Variants in SHISA9 observed in about 807,000 individuals in gnomAD.
SHISA9 encodes protein shisa-9.
A neutral mutation model predicts 38.0 loss-of-function variants in SHISA9; 13 were observed. The ratio of observed to expected loss-of-function variants is 0.34; its 90% confidence interval spans 0.22 to 0.54. SHISA9 has a LOEUF of 0.54. Ranked by LOEUF, SHISA9 falls within the 20% of genes least tolerant of loss-of-function variation. The pLI, the probability that SHISA9 is intolerant of heterozygous loss-of-function variation, is 0.91. For missense variants in SHISA9, 538 were observed against 575.8 expected, an observed-to-expected ratio of 0.93 and a Z score of 0.67; for synonymous variants, 275 against 242.0, an observed-to-expected ratio of 1.14 and a Z score of -1.27.
the SHISA9 span, among the ~76,000 whole-genome samples, chr16:13,423,573 G>C: frequency 6.6e-6 from 1 of 152,038 alleles, no homozygotes; most frequent in African/African-American, 2.4e-5. Context: ...CATTTCCCCT[G>C]TATTATTTTT....
the SHISA9 span, among the ~76,000 whole-genome samples, chr16:13,535,118 C>T: frequency 6.6e-6 from 1 of 152,074 alleles, no homozygotes; most frequent in African/African-American, 2.4e-5. Context: ...TGGTGCTGTG[C>T]GCCTGTAATC....
the SHISA9 span, among the ~76,000 whole-genome samples, chr16:13,410,991 G>T: frequency 6.6e-6 from 1 of 152,200 alleles, no homozygotes; most frequent in South Asian, 2.1e-4. Flanking sequence ...AAAATATTAG[G>T]AGAAGCTGGT....
At chr16:13,405,495 G>C in the SHISA9 span, among the ~76,000 whole-genome samples, 1 of 152,172 alleles carries the variant, frequency 6.6e-6, no homozygotes, top group Non-Finnish European at 1.5e-5. Context: ...ATTTATTTTA[G>C]GTTTGGGGTG....
chr16:13,363,368 T>C, the SHISA9 span, among the ~76,000 whole-genome samples: 1 of 152,244 alleles, frequency 6.6e-6, no homozygotes, highest in Non-Finnish European at 1.5e-5. Context: ...CTTGGCACAA[T>C]GACCGGCACC....
rs1452385916 is a variant in SHISA9, at chr16:13,238,699, C to T, written c.*3290C>T. On this transcript the variant is annotated 3_prime_UTR_variant, in exon 5 of 5. Coordinates refer to ENST00000558583, the MANE Select transcript of SHISA9 (RefSeq NM_001145204.3). ...GTAGTCCTGTCTAGGATGGAAAGCT[C>T]AGGAAGTGCTTCATAGTTTATTATC... 5 of 151,818 alleles carry T rather than the reference C, an allele frequency of 3.3e-5. No individual in the cohort carries two copies. In the East Asian group the frequency reaches 9.6e-4, roughly 29 times the overall value. 9.4% of individuals were successfully genotyped at this position (151,818 alleles called of 1,614,324 possible). A position where few individuals can be genotyped will look rare whatever the true frequency, so the allele number is the denominator to read the frequency against.
At chr16:13,192,940 GAAGAAGAAGAAGGAGGAGGAGGAA>G (rs1463064942) in intron 2 of SHISA9, among the ~76,000 whole-genome samples, 3 of 151,594 alleles carry the variant, frequency 2.0e-5, no homozygotes, top group Admixed American at 2.0e-4. Context: ...GGAGGAAGAG[GAAGAAGAAGAAGGAGGAGGAGGAA>G]AAGAAGAAGA....
intron 1 of SHISA9, chr16:12,910,430 A>C: frequency 1.0e-6 from 1 of 983,680 alleles, no homozygotes; most frequent in African/African-American, 1.7e-5. Context: ...CTTGAAGAGC[A>C]AACAGCCAAA....
the SHISA9 span, among the ~76,000 whole-genome samples, chr16:13,541,394 A>T: frequency 6.6e-6 from 1 of 152,206 alleles, no homozygotes; most frequent in African/African-American, 2.4e-5. Flanking sequence ...ATCCATATAT[A>T]GCCCCACAAA....
intron 2 of SHISA9, among the ~76,000 whole-genome samples, chr16:13,090,848 C>G (rs1202056532): frequency 6.6e-6 from 1 of 152,180 alleles, no homozygotes; most frequent in South Asian, 2.1e-4. Flanking sequence ...ATGATGTTCG[C>G]TGGTTGTTTT....
the SHISA9 span, among the ~76,000 whole-genome samples, chr16:13,375,543 G>T: frequency 3.9e-4 from 59 of 152,146 alleles, no homozygotes; most frequent in Non-Finnish European, 5.9e-4. Context: ...CTCTGTTTTG[G>T]TACCAGTACC....
At chr16:13,084,748 CATA>C (rs1335331943) in intron 2 of SHISA9, among the ~76,000 whole-genome samples, 1 of 266 alleles carries the variant, frequency 3.8e-3, no homozygotes, top group East Asian at 0.12. Flanking sequence ...AAGCTTAGAC[CATA>C]GACCATAGAC....
At chr16:12,945,284 C>T (rs113323526) in intron 2 of SHISA9, among the ~76,000 whole-genome samples, 2 of 152,142 alleles carry the variant, frequency 1.3e-5, no homozygotes, top group African/African-American at 4.8e-5. Context: ...GGCTGAATAT[C>T]TCACAGCACA....
At chr16:13,098,356 G>A (rs903860123) in intron 2 of SHISA9, among the ~76,000 whole-genome samples, 7 of 152,280 alleles carry the variant, frequency 4.6e-5, no homozygotes, top group Admixed American at 4.6e-4. Context: ...AGCTCTTACA[G>A]TTAATGGCTC....
the SHISA9 span, among the ~76,000 whole-genome samples, chr16:13,470,871 T>A: frequency 6.6e-6 from 1 of 152,178 alleles, no homozygotes; most frequent in African/African-American, 2.4e-5. Context: ...AAATCTTAGT[T>A]TTCTTGCCCC....
the SHISA9 span, among the ~76,000 whole-genome samples, chr16:13,504,243 A>G: frequency 6.6e-6 from 1 of 152,138 alleles, no homozygotes; most frequent in Non-Finnish European, 1.5e-5. Flanking sequence ...AAATTGCAGT[A>G]AGATCAACAC....
At chr16:13,317,076 A>G in the SHISA9 span, among the ~76,000 whole-genome samples, 1 of 152,202 alleles carries the variant, frequency 6.6e-6, no homozygotes, top group Non-Finnish European at 1.5e-5. Context: ...AGAGGCCAGT[A>G]GAGCCCCAGA....
intron 1 of SHISA9, among the ~76,000 whole-genome samples, chr16:12,906,301 C>G (rs1019995904): frequency 6.6e-6 from 1 of 152,164 alleles, no homozygotes; most frequent in African/African-American, 2.4e-5. Flanking sequence ...TGTCGCACCC[C>G]CATTATAAAC....
intron 2 of SHISA9, among the ~76,000 whole-genome samples, chr16:13,055,237 G>A (rs2073296927): frequency 1.3e-5 from 2 of 152,182 alleles, no homozygotes; most frequent in Non-Finnish European, 2.9e-5. Context: ...CACAGAGAAA[G>A]TAAGTGATTT....
the SHISA9 span, among the ~76,000 whole-genome samples, chr16:13,454,645 C>A: frequency 6.6e-6 from 1 of 152,204 alleles, no homozygotes; most frequent in Non-Finnish European, 1.5e-5. Context: ...TGCTCTAACA[C>A]CTGTGCTTCA....
Sources: allele counts gnomAD v4.1 joint callset (sites outside exome capture counted in the v4.1 genomes callset), GRCh38; gene constraint gnomAD v4.1.1; transcripts MANE v1.5; gene names NCBI Gene and HGNC (gene_info 2026-07-23, HGNC 2026-07-21).